FAM169A: variants seen among roughly 807,000 people sequenced by gnomAD.
FAM169A encodes soluble lamin-associated protein of 75 kDa.
A neutral mutation model predicts 75.7 loss-of-function variants in FAM169A; 24 were observed. That is an observed-to-expected ratio of 0.32 (90% CI 0.23 to 0.45). The LOEUF (loss-of-function observed/expected upper bound fraction) is 0.45, where lower values mean the gene tolerates loss of function less well. FAM169A is among the 20% of genes least tolerant of loss of function. The pLI is 1.00. For missense variants in FAM169A, 673 were observed against 784.0 expected, an observed-to-expected ratio of 0.86 and a Z score of 1.69; for synonymous variants, 271 against 271.0, an observed-to-expected ratio of 1.00 and a Z score of 0.00.
At chr5:74,839,764 T>C (rs193110174) in intron 3 of FAM169A, among the ~76,000 whole-genome samples, 31 of 152,188 alleles carry the variant, frequency 2.0e-4, no homozygotes, top group East Asian at 5.8e-4. Context: ...CCTCAGGTGA[T>C]CCACCCACCT....
At chr5:74,788,781 C>T (rs532056161) in intron 11 of FAM169A, among the ~76,000 whole-genome samples, 75 of 152,102 alleles carry the variant, frequency 4.9e-4, no homozygotes, top group Admixed American at 4.6e-4. Flanking sequence ...GAGATTAGTG[C>T]CACCATCAAG....
intron 11 of FAM169A, among the ~76,000 whole-genome samples, chr5:74,787,290 A>T (rs1403971014): frequency 6.6e-6 from 1 of 152,172 alleles, no homozygotes; most frequent in Non-Finnish European, 1.5e-5. Flanking sequence ...CAGGGAATTT[A>T]AAAAGGTTCT....
At chr5:74,822,408 T>C (rs1186054439) in intron 5 of FAM169A, among the ~76,000 whole-genome samples, 1 of 152,184 alleles carries the variant, frequency 6.6e-6, no homozygotes. Context: ...GACTAGAATA[T>C]AGAAAATGAA....
chr5:74,783,923 A>G (rs73116705), intron 11 of FAM169A, among the ~76,000 whole-genome samples: 1 of 152,186 alleles, frequency 6.6e-6, no homozygotes, highest in African/African-American at 2.4e-5. Flanking sequence ...CCCTAAAAGC[A>G]TATCAAGGAA....
intron 6 of FAM169A, among the ~76,000 whole-genome samples, chr5:74,807,902 A>G (rs1746970745): frequency 6.6e-6 from 1 of 152,170 alleles, no homozygotes; most frequent in Non-Finnish European, 1.5e-5. Flanking sequence ...GCAGATCATG[A>G]GATTAGGAGT....
intron 5 of FAM169A, among the ~76,000 whole-genome samples, chr5:74,824,244 T>C (rs772501544): frequency 6.6e-6 from 1 of 152,204 alleles, no homozygotes; most frequent in Non-Finnish European, 1.5e-5. Flanking sequence ...CAATTGACAG[T>C]TGAAGCCAAA....
At chr5:74,793,522 A>G (rs1746088654) in intron 11 of FAM169A, among the ~76,000 whole-genome samples, 2 of 152,174 alleles carry the variant, frequency 1.3e-5, no homozygotes, top group Admixed American at 1.3e-4. Context: ...AGGCAAAGGC[A>G]TAAGAGTGTT....
intron 12 of FAM169A, among the ~76,000 whole-genome samples, chr5:74,782,604 G>A (rs933023774): frequency 1.3e-5 from 2 of 152,050 alleles, no homozygotes; most frequent in African/African-American, 4.8e-5. Context: ...ATAAATTACT[G>A]TTTTGGTCAT....
intron 6 of FAM169A, among the ~76,000 whole-genome samples, chr5:74,812,025 G>A (rs534833803): frequency 1.3e-5 from 2 of 152,312 alleles, no homozygotes; most frequent in South Asian, 4.1e-4. Context: ...GTCTAATTGG[G>A]TAGAAGTACA....
upstream of FAM169A, chr5:74,866,454 G>A (rs982197583): frequency 5.7e-6 from 5 of 875,368 alleles, no homozygotes; most frequent in African/African-American, 3.6e-5. Context: ...CCCCCCGCCC[G>A]CCAGCGCGGA....
chr5:74,802,983 A>G (rs894244173), intron 8 of FAM169A, among the ~76,000 whole-genome samples: 9 of 152,166 alleles, frequency 5.9e-5, no homozygotes, highest in Admixed American at 3.9e-4. Flanking sequence ...GAAATAAACT[A>G]AACTATTTGT....
chr5:74,859,455 A>G (rs1749921520), intron 1 of FAM169A, among the ~76,000 whole-genome samples: 1 of 151,362 alleles, frequency 6.6e-6, no homozygotes, highest in South Asian at 2.1e-4. Flanking sequence ...AAGCCTGGCT[A>G]ATTTTTGTAT....
chr5:74,866,260 G>A lies in FAM169A; in HGVS notation c.-99C>T. On this transcript the variant is annotated 5_prime_UTR_variant, in exon 1 of 13. Transcript: ENST00000687041. ...GGCGGCTGCTCGCTGGCGACCTCCG[G>A]CCGGTCCCAGGCCGCACAGCTCGCG... 1.0e-6 allele frequency: 1 copy of A among 984,044 alleles called. No individual in the cohort carries two copies. The highest frequency in any genetic ancestry group is 1.2e-6 in the Non-Finnish European group (1 of 829,312). The allele number at this position is 984,044 out of a possible 1,614,324, so 61.0% of individuals were successfully genotyped here. A position where few individuals can be genotyped will look rare whatever the true frequency, so the allele number is the denominator to read the frequency against.
At chr5:74,787,780 T>C (rs1745769614) in intron 11 of FAM169A, among the ~76,000 whole-genome samples, 1 of 152,130 alleles carries the variant, frequency 6.6e-6, no homozygotes, top group Non-Finnish European at 1.5e-5. Context: ...TTAATCACAG[T>C]GTTCCCAGAA....
At chr5:74,805,305 T>G (rs1746807304) in intron 6 of FAM169A, 21 bp from the exon 7 acceptor site, 7 of 1,605,092 alleles carry the variant, frequency 4.4e-6, no homozygotes, top group Non-Finnish European at 5.9e-6. Context: ...CATTTAGAAT[T>G]TTCTAGAAAT....
chr5:74,810,913 T>C (rs1468487950), intron 6 of FAM169A, among the ~76,000 whole-genome samples: 2 of 147,210 alleles, frequency 1.4e-5, no homozygotes, highest in Admixed American at 6.9e-5. Flanking sequence ...TGTACTCAAG[T>C]GATCCTCCTG....
intron 8 of FAM169A, among the ~76,000 whole-genome samples, chr5:74,802,381 T>C (rs773974995): frequency 3.3e-5 from 5 of 152,006 alleles, no homozygotes; most frequent in Non-Finnish European, 5.9e-5. Context: ...TACCATTTTT[T>C]TGATAAAAAA....
intron 1 of FAM169A, chr5:74,865,663 A>AGTTACAG (rs1750284522): frequency 6.6e-6 from 1 of 152,368 alleles, no homozygotes. Flanking sequence ...TTCCAAAAGT[A>AGTTACAG]GTTACAGGTA....
chr5:74,786,846 C>T (rs1203754622), intron 11 of FAM169A, among the ~76,000 whole-genome samples: 1 of 152,108 alleles, frequency 6.6e-6, no homozygotes, highest in Non-Finnish European at 1.5e-5. Flanking sequence ...AAAGTGAGGG[C>T]CCTGATTGGA....
Sources: allele counts gnomAD v4.1 joint callset (sites outside exome capture counted in the v4.1 genomes callset), GRCh38; gene constraint gnomAD v4.1.1; transcripts MANE v1.5; gene names NCBI Gene and HGNC (gene_info 2026-07-23, HGNC 2026-07-21).